RGS9: variants seen among roughly 807,000 people sequenced by gnomAD.
The protein encoded by RGS9 is regulator of G-protein signalling 9.
In RGS9, 78 loss-of-function variants were observed where a neutral mutation model predicts 102.0. The observed-to-expected ratio is 0.76, with a 90% CI of 0.64 to 0.92. RGS9 has a LOEUF of 0.92. Among genes scored for constraint, RGS9 ranks in the 40% least tolerant of loss-of-function variants. The probability of loss-of-function intolerance (pLI) is 0.00; values close to 1 mark genes in which losing one functional copy is unlikely to be tolerated. For synonymous variants in RGS9, 353 were observed against 318.6 expected (o/e 1.11, Z -1.15); for missense variants, 833 against 866.1 (o/e 0.96, Z 0.48).
intron 8 of RGS9, among the ~76,000 whole-genome samples, chr17:65,174,861 C>CA (rs1248951518): frequency 2.6e-5 from 4 of 152,152 alleles, no homozygotes; most frequent in African/African-American, 9.7e-5. Context: ...GCACATCTGA[C>CA]ATGGTGGCAG....
At chr17:65,176,166 A>C (rs553870743) in intron 8 of RGS9, among the ~76,000 whole-genome samples, 1 of 152,190 alleles carries the variant, frequency 6.6e-6, no homozygotes. Flanking sequence ...AAAGACCCAA[A>C]TTATTGGTCT....
intron 9 of RGS9, among the ~76,000 whole-genome samples, chr17:65,181,421 A>C (rs1347621208): frequency 6.6e-6 from 1 of 152,214 alleles, no homozygotes; most frequent in Non-Finnish European, 1.5e-5. Flanking sequence ...GTTTTCCCCA[A>C]ATAGAGGCAA....
At chr17:65,196,978 A>G in intron 12 of RGS9, 148 bp from the exon 13 acceptor site, 1 of 687,478 alleles carries the variant, frequency 1.5e-6, no homozygotes, top group South Asian at 1.6e-5. Flanking sequence ...CTAGCAAGTG[A>G]TTACTTGGCT....
intron 17 of RGS9, among the ~76,000 whole-genome samples, chr17:65,215,855 C>T (rs2144119794): frequency 6.6e-6 from 1 of 152,292 alleles, no homozygotes; most frequent in Admixed American, 6.5e-5. Flanking sequence ...GCCACTGCGC[C>T]TGGCCTTGGA....
At chr17:65,178,997 C>G (rs150257499) in intron 9 of RGS9, among the ~76,000 whole-genome samples, 141 of 152,334 alleles carry the variant, frequency 9.3e-4, no homozygotes, top group African/African-American at 3.3e-3. Context: ...CTCTGGCTGA[C>G]AACCACTGAT....
intron 18 of RGS9, among the ~76,000 whole-genome samples, chr17:65,226,321 A>G (rs1050501207): frequency 2.6e-5 from 4 of 152,134 alleles, no homozygotes; most frequent in Non-Finnish European, 5.9e-5. Context: ...AGAAGAAAGC[A>G]CCATGCAGAA....
intron 8 of RGS9, among the ~76,000 whole-genome samples, chr17:65,168,567 T>C (rs924429672): frequency 4.4e-5 from 6 of 136,916 alleles, no homozygotes; most frequent in African/African-American, 1.4e-4. Flanking sequence ...TTTTTTTTTT[T>C]GCTAGGATAT....
intron 15 of RGS9, among the ~76,000 whole-genome samples, chr17:65,205,289 G>A (rs1032552695): frequency 2.0e-5 from 3 of 152,036 alleles, no homozygotes; most frequent in African/African-American, 7.2e-5. Context: ...TTTCTTTAAG[G>A]GCAAAGTATC....
At chr17:65,139,655 C>T (rs1387639257) in intron 1 of RGS9, among the ~76,000 whole-genome samples, 1 of 152,202 alleles carries the variant, frequency 6.6e-6, no homozygotes, top group African/African-American at 2.4e-5. Flanking sequence ...AGCTCAGTCA[C>T]CCCTCGGCTG....
chr17:65,187,234 C>T (rs1202449944), intron 9 of RGS9, among the ~76,000 whole-genome samples: 3 of 152,140 alleles, frequency 2.0e-5, no homozygotes, highest in Non-Finnish European at 2.9e-5. Context: ...GGACATTGTG[C>T]TAGGGAAGAT....
intron 17 of RGS9, 173 bp downstream of exon 17, chr17:65,210,778 A>T: frequency 1.9e-6 from 2 of 1,067,270 alleles, no homozygotes; most frequent in South Asian, 3.1e-5. Flanking sequence ...TTCATCCCAT[A>T]CTCCTCTAAC....
chr17:65,168,301 G>T lies in RGS9; in HGVS notation c.582+20G>T, dbSNP rs773518809. The T allele has an allele frequency of 6.4e-7, 1 of 1,564,454 alleles. No homozygotes were observed. The highest frequency in any genetic ancestry group is 1.1e-5 in the South Asian group (1 of 87,496). ...TGCCCTGTGAGTATCCTCCTGCCTGGTGTCCTCTGTCTCTTCCTGTGCCTC... is the reference window on the plus strand; with the variant it reads ...TGCCCTGTGAGTATCCTCCTGCCTGTTGTCCTCTGTCTCTTCCTGTGCCTC... On this transcript the variant is annotated intron_variant, in intron 8 of 18. Transcript: ENST00000262406.
chr17:65,225,145 C>G lies in RGS9; in HGVS notation c.1551C>G (p.Pro517=). 1 of 1,613,816 alleles carries G rather than the reference C, an allele frequency of 6.2e-7. No homozygotes were observed. The highest frequency in any genetic ancestry group is 1.7e-4 in the Middle Eastern group (1 of 6,060). The change falls in exon 18 of 19, where the codon CCC becomes CCG. Residue 517 remains proline, a synonymous_variant. Transcript: ENST00000262406. ...FASPSRFIRR[P]STTICPSPIR... Reference sequence around the variant, plus strand: ...CACCCAGCCGCTTCATCCGGCGACCCAGCACCACCATCTGCCCCTCACCCA... The same window carrying G: ...CACCCAGCCGCTTCATCCGGCGACCGAGCACCACCATCTGCCCCTCACCCA...
chr17:65,198,394 T>C (rs1347205897), intron 13 of RGS9, among the ~76,000 whole-genome samples: 1 of 152,174 alleles, frequency 6.6e-6, no homozygotes, highest in Non-Finnish European at 1.5e-5. Context: ...TAGCTGGGAC[T>C]ATAGGCACGT....
chr17:65,213,885 G>A (rs1913397122), intron 17 of RGS9, among the ~76,000 whole-genome samples: 1 of 152,166 alleles, frequency 6.6e-6, no homozygotes, highest in Admixed American at 6.5e-5. Context: ...AACACTATCT[G>A]TCTAGAGGAA....
rs866147892 is a variant in RGS9 at position 65,225,324 on chromosome 17, G to A, written c.1730G>A (p.Arg577His). Residue 577 changes from arginine (R) to histidine (H), a missense_variant, in exon 18 of 19, where the codon CGC (arginine) becomes CAC (histidine). By Grantham distance (29) the Arg-to-His change is conservative (BLOSUM62 0). Coordinates refer to ENST00000262406, the MANE Select transcript of RGS9 (RefSeq NM_003835.4). ...RSRPRAPPKA[R>H]MALSFSRFLR... ...CGGCCCAGGGCCCCTCCTAAGGCCC[G>A]CATGGCTCTGTCCTTCAGCAGGTTT... 1.8e-5 allele frequency: 29 copies of A among 1,610,468 alleles called. No individual in the cohort carries two copies. Among genetic ancestry groups the A allele is most frequent in the African/African-American group, 1.1e-4 (8 of 74,920 alleles).
chr17:65,158,999 T>C (rs1910878409), intron 3 of RGS9, among the ~76,000 whole-genome samples: 1 of 152,160 alleles, frequency 6.6e-6, no homozygotes, highest in African/African-American at 2.4e-5. Flanking sequence ...AAAGAAGTGA[T>C]ATTTACATGG....
intron 17 of RGS9, among the ~76,000 whole-genome samples, chr17:65,211,776 T>G (rs1168048948): frequency 6.6e-6 from 1 of 152,238 alleles, no homozygotes; most frequent in Admixed American, 6.5e-5. Flanking sequence ...TGTGCAAACA[T>G]CGGTGAATAA....
At chr17:65,203,600 C>T (rs1912935305) in intron 14 of RGS9, among the ~76,000 whole-genome samples, 1 of 152,228 alleles carries the variant, frequency 6.6e-6, no homozygotes, top group Non-Finnish European at 1.5e-5. Flanking sequence ...ATCCCGACAT[C>T]CCAGGTAGAG....
Sources: allele counts gnomAD v4.1 joint callset (sites outside exome capture counted in the v4.1 genomes callset), GRCh38; gene constraint gnomAD v4.1.1; transcripts MANE v1.5; gene names NCBI Gene and HGNC (gene_info 2026-07-23, HGNC 2026-07-21).